Variants in ARID3B observed in about 807,000 individuals in gnomAD.
The protein encoded by ARID3B is AT-rich interaction domain 3B, also known as AT-rich interactive domain-containing protein 3B.
A neutral mutation model predicts 51.9 loss-of-function variants in ARID3B; 10 were observed. The ratio of observed to expected loss-of-function variants is 0.19; its 90% CI spans 0.12 to 0.33. ARID3B has a LOEUF of 0.33. Ranked by LOEUF, ARID3B falls within the 10% of genes least tolerant of loss-of-function variation. ARID3B has a pLI of 1.00. For synonymous variants in ARID3B, 205 were observed against 279.5 expected, an observed-to-expected ratio of 0.73 and a Z score of 2.66; for missense variants, 483 against 716.3, an observed-to-expected ratio of 0.67 and a Z score of 3.72.
At chr15:74,585,777 C>T (rs1224205986) in intron 4 of ARID3B, among the ~76,000 whole-genome samples, 1 of 152,214 alleles carries the variant, frequency 6.6e-6, no homozygotes, top group Non-Finnish European at 1.5e-5. Context: ...CTACTTTGGA[C>T]AAGAGAAATG....
intron 2 of ARID3B, 47 bp downstream of exon 2, chr15:74,544,535 G>C: frequency 6.4e-7 from 1 of 1,570,638 alleles, no homozygotes; most frequent in South Asian, 1.2e-5. Context: ...CTGAAGGCCA[G>C]AGAGGGGTCA....
chr15:74,545,346 G>A (rs2061611817), intron 2 of ARID3B, among the ~76,000 whole-genome samples: 1 of 152,220 alleles, frequency 6.6e-6, no homozygotes, highest in South Asian at 2.1e-4. Flanking sequence ...GGGAAGGGTA[G>A]ACCTCAAAAT....
At chr15:74,577,992 A>C (rs1277873166) in intron 4 of ARID3B, among the ~76,000 whole-genome samples, 2 of 149,660 alleles carry the variant, frequency 1.3e-5, no homozygotes, top group Non-Finnish European at 3.0e-5. Context: ...CAAGTAGCTG[A>C]GATTACAGCC....
chr15:74,560,301 A>G (rs752517398), intron 2 of ARID3B, among the ~76,000 whole-genome samples: 3 of 152,126 alleles, frequency 2.0e-5, no homozygotes, highest in Non-Finnish European at 2.9e-5. Flanking sequence ...TTTAGTTTTC[A>G]AAGTATATTA....
At chr15:74,595,512 C>G in intron 8 of ARID3B, 99 bp from the exon 9 acceptor site, 1 of 1,372,784 alleles carries the variant, frequency 7.3e-7, no homozygotes. Flanking sequence ...ACAGCGGAGT[C>G]AGGCACAGGC....
chr15:74,589,671 A>T (rs2061796083), intron 4 of ARID3B, 149 bp from the exon 5 acceptor site: 5 of 772,848 alleles, frequency 6.5e-6, no homozygotes. Context: ...AGCTAGTCTG[A>T]GTGTTCAGGC....
At chr15:74,565,210 A>G (rs1376261979) in intron 2 of ARID3B, among the ~76,000 whole-genome samples, 2 of 151,634 alleles carry the variant, frequency 1.3e-5, no homozygotes, top group South Asian at 2.1e-4. Flanking sequence ...ATGCCCAGCT[A>G]ATTTTTTTAT....
chr15:74,548,720 T>A (rs925258932), intron 2 of ARID3B, among the ~76,000 whole-genome samples: 5 of 152,218 alleles, frequency 3.3e-5, no homozygotes, highest in African/African-American at 1.2e-4. Context: ...CCTCAGCTCA[T>A]GACAGCGTGG....
chr15:74,587,243 C>T (rs1360149191), intron 4 of ARID3B, among the ~76,000 whole-genome samples: 4 of 152,224 alleles, frequency 2.6e-5, no homozygotes, highest in Non-Finnish European at 5.9e-5. Flanking sequence ...GAGGCTGCTG[C>T]AGGCATCTAA....
chr15:74,570,429 G>GCATTCAGA (rs1469609570), intron 2 of ARID3B, among the ~76,000 whole-genome samples: 4 of 120,312 alleles, frequency 3.3e-5, no homozygotes, highest in Non-Finnish European at 6.5e-5. Context: ...TTTTGAGTGA[G>GCATTCAGA]CATTCAGAGT....
intron 4 of ARID3B, among the ~76,000 whole-genome samples, chr15:74,580,105 C>T (rs2061755451): frequency 6.6e-6 from 1 of 152,102 alleles, no homozygotes; most frequent in African/African-American, 2.4e-5. Flanking sequence ...GCAGGAGAAT[C>T]GCCTGAACCT....
intron 2 of ARID3B, among the ~76,000 whole-genome samples, chr15:74,546,844 T>C (rs1053302511): frequency 6.6e-6 from 1 of 152,224 alleles, no homozygotes; most frequent in Non-Finnish European, 1.5e-5. Flanking sequence ...AACCGTCAGA[T>C]GTGCACGTCC....
chr15:74,596,796 T>G lies in ARID3B; in HGVS notation c.*1022T>G, dbSNP rs1021266454. The G allele has an allele frequency of 1.7e-5, 2 of 119,732 alleles. No homozygotes were observed. The highest frequency in any genetic ancestry group is 1.1e-4 in the African/African-American group (1 of 8,982). 7.4% of individuals were successfully genotyped at this position (119,732 alleles called of 1,614,324 possible). On this transcript the variant is annotated 3_prime_UTR_variant, in exon 9 of 9. Coordinates refer to ENST00000346246, the MANE Select transcript of ARID3B (RefSeq NM_006465.4). Reference sequence around the variant, plus strand: ...TTTATATGTGTTTTGCTGACTTTTGTTTTTTTTTTATTTTAAAATTTTTAT... The same window carrying G: ...TTTATATGTGTTTTGCTGACTTTTGGTTTTTTTTTATTTTAAAATTTTTAT...
intron 2 of ARID3B, among the ~76,000 whole-genome samples, chr15:74,545,550 A>G (rs373059875): frequency 1.3e-5 from 2 of 152,136 alleles, no homozygotes; most frequent in East Asian, 1.9e-4. Context: ...CGCCCAAAGG[A>G]TGGGAGTGAT....
rs4887165 is a variant in ARID3B at position 74,597,015 on chromosome 15, T to C, written c.*1241T>C. Reference sequence around the variant, plus strand: ...CTCACACCGGGTCGGGCCCTGAAACTGTACCAGTTCTGAAGACCGTTTTCT... The same window carrying C: ...CTCACACCGGGTCGGGCCCTGAAACCGTACCAGTTCTGAAGACCGTTTTCT... On this transcript the variant is annotated 3_prime_UTR_variant, in exon 9 of 9. Coordinates refer to ENST00000346246, the MANE Select transcript of ARID3B (RefSeq NM_006465.4). 166,836 of 233,828 alleles carry C rather than the reference T, an allele frequency of 0.71. 61,436 individuals carry two copies. Among genetic ancestry groups the C allele is most frequent in the Non-Finnish European group, 0.8 (95,115 of 118,426 alleles). 14.5% of individuals were successfully genotyped at this position (233,828 alleles called of 1,614,324 possible).
intron 2 of ARID3B, among the ~76,000 whole-genome samples, chr15:74,554,505 G>GT (rs777314995): frequency 3.4e-4 from 51 of 151,942 alleles, no homozygotes; most frequent in Middle Eastern, 3.4e-3. Context: ...ATTTCACCAT[G>GT]TTGGCAAGGC....
rs1032752345 is a variant in ARID3B, at chr15:74,595,506, C to T, written c.1520-105C>T. ...TCACCCCCTAGCACAGTGTCTACAG[C>T]GGAGTCAGGCACAGGCTAGGCCAGC... On this transcript the variant is annotated intron_variant, in intron 8 of 8. Transcript: ENST00000346246. 60 of 1,284,898 alleles carry T rather than the reference C, an allele frequency of 4.7e-5. No homozygotes were observed. The African/African-American group carries it at 6.5e-4, about 14-fold the overall frequency. The allele number at this position is 1,284,898 out of a possible 1,614,324, so 79.6% of individuals were successfully genotyped here.
At chr15:74,564,151 G>C (rs1267267588) in intron 2 of ARID3B, among the ~76,000 whole-genome samples, 1 of 152,202 alleles carries the variant, frequency 6.6e-6, no homozygotes, top group East Asian at 1.9e-4. Flanking sequence ...TTAGTTAAGA[G>C]CACTAATCCT....
intron 2 of ARID3B, among the ~76,000 whole-genome samples, chr15:74,549,240 A>G (rs1447066004): frequency 2.6e-5 from 4 of 151,798 alleles, no homozygotes; most frequent in Admixed American, 6.6e-5. Flanking sequence ...ACGCCCGGCT[A>G]ATTTTTTTGT....
Sources: gnomAD v4.1 joint callset for allele counts (sites outside exome capture counted in the v4.1 genomes callset) on GRCh38, gnomAD v4.1.1 for gene constraint, MANE v1.5 for transcripts, NCBI Gene and HGNC (gene_info 2026-07-23, HGNC 2026-07-21) for gene names.